The following PRKG1 variants were observed in gnomAD, a reference collection of about 807,000 sequenced individuals.
PRKG1 encodes the protein cGMP-dependent protein kinase 1.
Under a neutral mutation model 88.1 loss-of-function variants are expected in PRKG1, and 35 were observed. That is an observed-to-expected ratio of 0.40 (90% CI 0.30 to 0.53). The LOEUF is 0.53. Ranked by LOEUF, PRKG1 falls within the 20% of genes least tolerant of loss-of-function variation. The pLI is 0.59. For synonymous variants in PRKG1, 303 were observed against 292.5 expected, an observed-to-expected ratio of 1.04 and a Z score of -0.37; for missense variants, 540 against 839.8, an observed-to-expected ratio of 0.64 and a Z score of 4.41.
At chr10:51,693,287 C>CAAAAAA (rs762828746) in intron 3 of PRKG1, among the ~76,000 whole-genome samples, 811 of 70,424 alleles carry the variant, frequency 0.012, 17 homozygotes, top group African/African-American at 0.03. Context: ...GACACCACCT[C>CAAAAAA]AAAAAAAAAA....
intron 4 of PRKG1, among the ~76,000 whole-genome samples, chr10:51,850,264 C>T (rs975453743): frequency 6.6e-6 from 1 of 152,192 alleles, no homozygotes. Flanking sequence ...GCAAACTCTG[C>T]ATCCCGGGTT....
chr10:51,259,416 T>C (rs923578046), intron 2 of PRKG1, among the ~76,000 whole-genome samples: 2 of 152,218 alleles, frequency 1.3e-5, no homozygotes, highest in Non-Finnish European at 2.9e-5. Context: ...ACATACATTG[T>C]CTTATTTCAT....
intron 2 of PRKG1, among the ~76,000 whole-genome samples, chr10:51,365,046 A>G (rs1842561189): frequency 6.6e-6 from 1 of 151,962 alleles, no homozygotes; most frequent in African/African-American, 2.4e-5. Context: ...TTGGAGCTGG[A>G]CAGTGATGAA....
intron 3 of PRKG1, among the ~76,000 whole-genome samples, chr10:51,626,655 C>A (rs1241944045): frequency 6.6e-6 from 1 of 152,006 alleles, no homozygotes; most frequent in Non-Finnish European, 1.5e-5. Context: ...TCTTTTGGGC[C>A]AATTTTAGCA....
At chr10:52,112,679 A>C (rs1847591697) in intron 7 of PRKG1, among the ~76,000 whole-genome samples, 1 of 152,146 alleles carries the variant, frequency 6.6e-6, no homozygotes, top group African/African-American at 2.4e-5. Context: ...CTTGTCCTTA[A>C]ATACAAGTGT....
intron 2 of PRKG1, among the ~76,000 whole-genome samples, chr10:51,187,595 C>A (rs1156297851): frequency 6.6e-6 from 1 of 151,862 alleles, no homozygotes; most frequent in African/African-American, 2.4e-5. Context: ...AAACCAAATT[C>A]AAATTATTTA....
intron 1 of PRKG1, among the ~76,000 whole-genome samples, chr10:51,123,285 A>G (rs535873335): frequency 1.9e-4 from 29 of 152,326 alleles, no homozygotes; most frequent in African/African-American, 6.5e-4. Context: ...AAATTTTATT[A>G]CTGTTATCCA....
rs548377467 is a variant in PRKG1 at position 51,845,322 on chromosome 10, T to G, written c.698+40632T>G. Among the ~76,000 whole-genome samples the G allele has an allele frequency of 2.6e-5, 4 of 152,282 alleles. No individual in the cohort carries two copies. The East Asian group carries it at 5.8e-4, about 22-fold the overall frequency. ...GACTTTCCTTAAGCACCACCTCTTG[T>G]GTAATGCCTTTCCCGATTACTCTAT... On this transcript the variant is annotated intron_variant, in intron 4 of 17. Coordinates refer to ENST00000373980, the MANE Select transcript of PRKG1 (RefSeq NM_006258.4).
chr10:51,163,980 C>G (rs1411527682), intron 2 of PRKG1, among the ~76,000 whole-genome samples: 2 of 152,204 alleles, frequency 1.3e-5, no homozygotes, highest in Non-Finnish European at 2.9e-5. Context: ...CACAGACAAA[C>G]AAAAAGACAG....
At chr10:51,285,958 TTTATTTATTTA>T (rs968893018) in intron 2 of PRKG1, among the ~76,000 whole-genome samples, 74 of 144,522 alleles carry the variant, frequency 5.1e-4, no homozygotes, top group African/African-American at 1.6e-3. Flanking sequence ...AGCAGGTGCC[TTTATTTATTTA>T]TTATTTATTT....
intron 5 of PRKG1, among the ~76,000 whole-genome samples, chr10:51,944,840 T>C (rs1186937603): frequency 6.6e-6 from 1 of 152,074 alleles, no homozygotes. Context: ...TAATTTCTGT[T>C]CTTTTACATT....
intron 2 of PRKG1, among the ~76,000 whole-genome samples, chr10:51,163,969 G>A (rs1413090063): frequency 6.6e-6 from 1 of 152,192 alleles, no homozygotes; most frequent in East Asian, 1.9e-4. Context: ...TGGGGGCAGG[G>A]CACAGACAAA....
intron 4 of PRKG1, among the ~76,000 whole-genome samples, chr10:51,872,552 T>A (rs972310510): frequency 6.6e-6 from 1 of 152,226 alleles, no homozygotes; most frequent in Non-Finnish European, 1.5e-5. Flanking sequence ...ACAAGACTTA[T>A]AATTTTTTCA....
chr10:51,645,804 T>C (rs1839902084), intron 3 of PRKG1, among the ~76,000 whole-genome samples: 1 of 152,180 alleles, frequency 6.6e-6, no homozygotes, highest in South Asian at 2.1e-4. Flanking sequence ...TTGTCTTAGC[T>C]TTTTGTACAA....
chr10:51,698,841 G>A, intron 3 of PRKG1: 4 of 1,614,190 alleles, frequency 2.5e-6, no homozygotes, highest in Non-Finnish European at 3.4e-6. Flanking sequence ...TGAGGCTGAG[G>A]AGCTGGAGGA....
intron 3 of PRKG1, among the ~76,000 whole-genome samples, chr10:51,729,578 G>A (rs1326558451): frequency 6.6e-6 from 1 of 151,486 alleles, no homozygotes; most frequent in African/African-American, 2.4e-5. Flanking sequence ...ATAGTGGCGG[G>A]CACCTGTAAT....
intron 9 of PRKG1, among the ~76,000 whole-genome samples, chr10:52,171,249 G>T (rs570020124): frequency 7.3e-5 from 11 of 151,384 alleles, no homozygotes; most frequent in Non-Finnish European, 1.5e-4. Context: ...GCAATTCTCA[G>T]GGAAATGATC....
At chr10:51,243,575 A>T (rs926282237) in intron 2 of PRKG1, among the ~76,000 whole-genome samples, 13 of 152,166 alleles carry the variant, frequency 8.5e-5, no homozygotes, top group African/African-American at 3.1e-4. Flanking sequence ...TTTTCTGGAC[A>T]TCAGCCATTT....
intron 2 of PRKG1, among the ~76,000 whole-genome samples, chr10:51,460,873 A>G (rs551406657): frequency 1.3e-5 from 2 of 152,296 alleles, no homozygotes; most frequent in South Asian, 4.1e-4. Flanking sequence ...ATATCTAAAT[A>G]TTAAAATTGC....
Sources: gnomAD v4.1 joint callset for allele counts (sites outside exome capture counted in the v4.1 genomes callset) on GRCh38, gnomAD v4.1.1 for gene constraint, MANE v1.5 for transcripts, NCBI Gene and HGNC (gene_info 2026-07-23, HGNC 2026-07-21) for gene names.